LAMA2: variants seen among roughly 807,000 people sequenced by gnomAD.
LAMA2 encodes laminin subunit alpha-2.
LAMA2 carries 269 observed loss-of-function variants against 364.8 expected under a neutral mutation model. The ratio of observed to expected loss-of-function variants is 0.74; its 90% CI spans 0.67 to 0.82. LAMA2 has a LOEUF of 0.82. Among genes scored for constraint, LAMA2 ranks in the 40% least tolerant of loss-of-function variants. The probability of loss-of-function intolerance (pLI) is 0.00; values close to 1 mark genes in which losing one functional copy is unlikely to be tolerated. For synonymous variants in LAMA2, 1,379 were observed against 1,370.6 expected (o/e 1.01, Z -0.14); for missense variants, 3,807 against 3,873.2 (o/e 0.98, Z 0.45).
intron 56 of LAMA2, chr6:129,490,810 C>T (rs1784821713): frequency 6.6e-6 from 1 of 152,122 alleles, no homozygotes; most frequent in African/African-American, 2.4e-5. Flanking sequence ...GTCATTTCCC[C>T]CTATTTTCTC....
chr6:129,147,150 T>G (rs1778507828), intron 6 of LAMA2, 102 bp downstream of exon 6: 2 of 789,788 alleles, frequency 2.5e-6, no homozygotes, highest in African/African-American at 1.7e-5. Flanking sequence ...GGGAGTCAGG[T>G]CCCCACTTAG....
rs888535677 is a variant in LAMA2 at position 129,209,979 on chromosome 6, G to A, written c.1782+17126G>A. Among the ~76,000 whole-genome samples, 5 of 134,784 alleles carry A rather than the reference G, an allele frequency of 3.7e-5. No homozygotes were observed. The South Asian group carries it at 1.2e-3, about 32-fold the overall frequency. 88.4% of individuals were successfully genotyped at this position (134,784 alleles called of 152,430 possible). Reference sequence around the variant, plus strand: ...TGATCGCGCCACTGCACTCCAGCCCGGGCGACAGAGCGAGACTCCATCTCA... The same window carrying A: ...TGATCGCGCCACTGCACTCCAGCCCAGGCGACAGAGCGAGACTCCATCTCA... On this transcript the variant is annotated intron_variant, in intron 12 of 64. Coordinates refer to ENST00000421865, the MANE Select transcript of LAMA2 (RefSeq NM_000426.4).
intron 3 of LAMA2, among the ~76,000 whole-genome samples, chr6:129,088,266 A>G (rs1774524145): frequency 6.6e-6 from 1 of 151,898 alleles, no homozygotes; most frequent in Non-Finnish European, 1.5e-5. Flanking sequence ...TTAGTACAGA[A>G]CAAAATGGAG....
At chr6:129,213,324 A>G (rs1783216357) in intron 12 of LAMA2, among the ~76,000 whole-genome samples, 1 of 152,248 alleles carries the variant, frequency 6.6e-6, no homozygotes, top group Non-Finnish European at 1.5e-5. Context: ...ATATGAATCA[A>G]GCTGCTATAA....
chr6:129,148,988 T>G lies in LAMA2; in HGVS notation c.919T>G (p.Cys307Gly). 6.2e-7 allele frequency: 1 copy of G among 1,612,138 alleles called. No individual in the cohort carries two copies. The highest frequency in any genetic ancestry group is 8.5e-7 in the Non-Finnish European group (1 of 1,178,246). Residue 307 changes from cysteine (C) to glycine (G), a missense_variant, in exon 7 of 65, where the codon TGT (cysteine) becomes GGT (glycine). This residue lies in a region of LAMA2 where 394 missense variants were observed against 403.5 expected (regional missense o/e 0.98). Transcript: ENST00000421865. The part of the protein sequence containing the change: ...PLDPATNKSR[C>G]ECEHNTCGDS... ...CCCTCTTTTTGACTAGAAATCTCGCTGTGAGTGTGAGCATAACACATGTGG... is the reference window on the plus strand; with the variant it reads ...CCCTCTTTTTGACTAGAAATCTCGCGGTGAGTGTGAGCATAACACATGTGG...
chr6:129,057,097 G>T (rs1444941963), intron 2 of LAMA2, among the ~76,000 whole-genome samples: 2 of 151,976 alleles, frequency 1.3e-5, no homozygotes, highest in African/African-American at 4.8e-5. Flanking sequence ...GATTCCTATT[G>T]CATTGAGGAC....
chr6:129,126,729 C>G (rs1417650527), intron 4 of LAMA2, among the ~76,000 whole-genome samples: 1 of 152,012 alleles, frequency 6.6e-6, no homozygotes, highest in Non-Finnish European at 1.5e-5. Flanking sequence ...CAGAGTTTAT[C>G]CCTCAGATGT....
intron 12 of LAMA2, among the ~76,000 whole-genome samples, chr6:129,230,331 C>T (rs940158928): frequency 2.0e-5 from 3 of 152,018 alleles, no homozygotes; most frequent in Non-Finnish European, 4.4e-5. Flanking sequence ...GACCAATGAC[C>T]TTGAGAAGAG....
chr6:129,412,734 T>C (rs1411616297), intron 40 of LAMA2, among the ~76,000 whole-genome samples: 1 of 152,150 alleles, frequency 6.6e-6, no homozygotes, highest in Non-Finnish European at 1.5e-5. Flanking sequence ...TTATACCACC[T>C]TTTGCATCTT....
intron 1 of LAMA2, among the ~76,000 whole-genome samples, chr6:128,981,271 C>G (rs924763581): frequency 1.3e-5 from 2 of 152,150 alleles, no homozygotes; most frequent in Non-Finnish European, 2.9e-5. Flanking sequence ...AATGATCTCT[C>G]TATAACCTAG....
intron 1 of LAMA2, among the ~76,000 whole-genome samples, chr6:129,015,798 G>A (rs1163725603): frequency 3.3e-5 from 5 of 151,906 alleles, no homozygotes; most frequent in African/African-American, 4.8e-5. Context: ...TTGCAAATGC[G>A]TGCATTTAAA....
chr6:129,492,421 G>T lies in LAMA2; in HGVS notation c.8182G>T (p.Val2728Phe). The T allele has an allele frequency of 3.7e-6, 6 of 1,614,104 alleles. No individual in the cohort carries two copies. Among genetic ancestry groups the T allele is most frequent in the Non-Finnish European group, 5.1e-6 (6 of 1,179,962 alleles). The change falls in exon 58 of 65, where the codon GTT becomes TTT. Residue 2728 changes from valine (V) to phenylalanine (F), a missense_variant. By Grantham distance (50) the Val-to-Phe change is conservative. This residue lies in a region of LAMA2 where 3,333 missense variants were observed against 3,345.7 expected (regional missense o/e 1.00). Transcript: ENST00000421865. ...DEDGAAPAEIVIQPEPVPTPA... is the reference protein window; with the variant it reads ...DEDGAAPAEIFIQPEPVPTPA... ...AGATGGAGCAGCTCCAGCTGAAATA[G>T]TTATCCAGCCTGAGCCAGTTCCCAC...
rs143088648 is a variant in LAMA2, at chr6:129,387,180, A to G, written c.5071+3947A>G. Among the ~76,000 whole-genome samples, 698 of 151,976 alleles carry G rather than the reference A, an allele frequency of 4.6e-3. 8 individuals are homozygous for G. The highest frequency in any genetic ancestry group is 0.016 in the African/African-American group (674 of 41,434). ...TGTTTTTATTTTCCTTTTTACTTTA[A>G]GTTCTGGGATGCATGCACAGAATGT... On this transcript the variant is annotated intron_variant, in intron 35 of 64. Transcript: ENST00000421865.
At chr6:128,965,197 A>G (rs1781760427) in intron 1 of LAMA2, among the ~76,000 whole-genome samples, 1 of 152,024 alleles carries the variant, frequency 6.6e-6, no homozygotes, top group African/African-American at 2.4e-5. Context: ...AATTGGAAAG[A>G]AGGGTTTGTA....
intron 15 of LAMA2, among the ~76,000 whole-genome samples, chr6:129,264,346 G>C (rs1345498851): frequency 2.6e-5 from 4 of 151,960 alleles, no homozygotes; most frequent in Non-Finnish European, 2.9e-5. Flanking sequence ...TCAGTTGGTT[G>C]TGGTGTCATT....
intron 1 of LAMA2, among the ~76,000 whole-genome samples, chr6:129,048,428 G>C (rs989365304): frequency 6.7e-6 from 1 of 149,628 alleles, no homozygotes; most frequent in Admixed American, 6.6e-5. Context: ...AGTCAGGAAG[G>C]TTTCTTTTTT....
At chr6:129,393,903 A>T (rs1779463187) in intron 37 of LAMA2, among the ~76,000 whole-genome samples, 1 of 152,232 alleles carries the variant, frequency 6.6e-6, no homozygotes, top group Non-Finnish European at 1.5e-5. Context: ...AGGAACTAAC[A>T]TGAATAGATC....
intron 34 of LAMA2, among the ~76,000 whole-genome samples, chr6:129,374,420 C>T (rs1778256302): frequency 6.6e-6 from 1 of 152,132 alleles, no homozygotes; most frequent in African/African-American, 2.4e-5. Context: ...CTATCTCACA[C>T]CCATAGGTTG....
chr6:129,126,904 G>T (rs1482878452), intron 4 of LAMA2, among the ~76,000 whole-genome samples: 4 of 152,018 alleles, frequency 2.6e-5, no homozygotes, highest in Non-Finnish European at 5.9e-5. Flanking sequence ...AACGCCACCA[G>T]AAAAAATGCA....
Sources: gnomAD v4.1 joint callset for allele counts (sites outside exome capture counted in the v4.1 genomes callset) on GRCh38, gnomAD v4.1.1 for gene constraint, gnomAD v4.1.1 regional missense constraint, MANE v1.5 for transcripts, NCBI Gene and HGNC (gene_info 2026-07-23, HGNC 2026-07-21) for gene names.